The following FAIM2 variants were observed in gnomAD, a reference collection of about 807,000 sequenced individuals.
FAIM2 encodes the protein protein lifeguard 2.
A neutral mutation model predicts 47.4 loss-of-function variants in FAIM2; 27 were observed. The ratio of observed to expected loss-of-function variants is 0.57; its 90% CI spans 0.42 to 0.78. The LOEUF (loss-of-function observed/expected upper bound fraction) is 0.78. Among genes scored for constraint, FAIM2 ranks in the 30% least tolerant of loss-of-function variants. The pLI is 0.00. For missense variants in FAIM2, 311 were observed against 389.4 expected (o/e 0.80, Z 1.69); for synonymous variants, 156 against 159.3 (o/e 0.98, Z 0.16).
At position 49,901,179 on chromosome 12, in the gene FAIM2, T is replaced by TG; in HGVS notation, c.161dup (p.Ala55SerfsTer10). 1 of 1,607,434 alleles carries TG rather than the reference T, an allele frequency of 6.2e-7. No individual in the cohort carries two copies. The highest frequency in any genetic ancestry group is 1.1e-5 in the South Asian group (1 of 90,168). ...GGTGGAGAGGCACCGCTGTGGGGGC[T>TG]GGGGGGAAGGCCCCTGCCTTCATCC... On this transcript the variant is annotated frameshift_variant, in exon 2 of 12. Transcript: ENST00000320634. LOFTEE classifies it high-confidence loss of function.
At chr12:49,879,964 A>ATG (rs1555158361) in intron 11 of FAIM2, among the ~76,000 whole-genome samples, 1 of 44,692 alleles carries the variant, frequency 2.2e-5, no homozygotes, top group African/African-American at 1.4e-4. Flanking sequence ...TTGTATGTGC[A>ATG]TGTGTGTGTA....
chr12:49,896,908 G>A (rs765786208), intron 5 of FAIM2, 123 bp downstream of exon 5: 2 of 807,812 alleles, frequency 2.5e-6, no homozygotes, highest in Non-Finnish European at 4.4e-6. Flanking sequence ...GGATCTGTGA[G>A]GACAGTCCCT....
chr12:49,884,005 T>C (rs1946843710), intron 11 of FAIM2, among the ~76,000 whole-genome samples: 1 of 152,014 alleles, frequency 6.6e-6, no homozygotes, highest in African/African-American at 2.4e-5. Context: ...GCGGATCATC[T>C]GAGGTCAGGA....
rs185066966 is a variant in FAIM2 at position 49,871,634 on chromosome 12, G to A, written c.802-981C>T. 2.6e-5 allele frequency among the ~76,000 whole-genome samples: 4 copies of A among 151,828 alleles called. 1 individual carries two copies. The highest frequency in any genetic ancestry group is 1.3e-4 in the Admixed American group (2 of 15,224). ...CAAAGGTGATGAAGCACTGATCCAC[G>A]TGGGATTGGAATTTTTTTTCTTTTC... is the stretch of plus-strand genomic sequence containing the variant. On this transcript the variant is annotated intron_variant, in intron 11 of 11. Transcript: ENST00000320634.
chr12:49,880,190 A>ATG, intron 11 of FAIM2, among the ~76,000 whole-genome samples: 1 of 80,776 alleles, frequency 1.2e-5, no homozygotes, highest in East Asian at 3.9e-4. Flanking sequence ...GCATGTGTGT[A>ATG]TATGTGCATG....
chr12:49,877,783 CATGTGTATATATGTGTGT>C (rs1480295601), intron 11 of FAIM2, among the ~76,000 whole-genome samples: 20 of 151,506 alleles, frequency 1.3e-4, no homozygotes, highest in African/African-American at 4.9e-4. Flanking sequence ...TATGTGTGTG[CATGTGTATATATGTGTGT>C]GAGTGTGCGT....
At chr12:49,877,176 C>T (rs759741396) in intron 11 of FAIM2, among the ~76,000 whole-genome samples, 3 of 152,208 alleles carry the variant, frequency 2.0e-5, no homozygotes, top group African/African-American at 4.8e-5. Flanking sequence ...CAGTCCCCCA[C>T]CCCAGGGCTT....
intron 5 of FAIM2, 75 bp downstream of exon 5, chr12:49,896,956 A>T: frequency 8.0e-7 from 1 of 1,256,842 alleles, no homozygotes; most frequent in Non-Finnish European, 1.2e-6. Flanking sequence ...GATTAGGTCA[A>T]GAAAGACACA....
In FAIM2 at chr12:49,887,443, C is replaced by A. The variant is rs771342070; in HGVS notation, c.748-4G>T. 30 of 1,610,018 alleles carry A rather than the reference C, an allele frequency of 1.9e-5. No homozygotes were observed. The highest frequency in any genetic ancestry group is 2.5e-5 in the Non-Finnish European group (30 of 1,178,004). Reference sequence around the variant, plus strand: ...AAACTGCATGGAGCCAGGGCACCTGCGGCAGAGGAAAAATGGGCTTAGGGA... The same window carrying A: ...AAACTGCATGGAGCCAGGGCACCTGAGGCAGAGGAAAAATGGGCTTAGGGA... On this transcript the variant is annotated splice_region_variant and splice_polypyrimidine_tract_variant and intron_variant, in intron 10 of 11. Coordinates refer to ENST00000320634, the MANE Select transcript of FAIM2 (RefSeq NM_012306.4).
intron 2 of FAIM2, among the ~76,000 whole-genome samples, chr12:49,898,911 A>G (rs1276902434): frequency 2.0e-5 from 3 of 151,412 alleles, no homozygotes; most frequent in Admixed American, 2.0e-4. Context: ...CCAGCTGGAA[A>G]CCAGGGCTTC....
At chr12:49,891,473 C>A (rs1946899870) in intron 5 of FAIM2, among the ~76,000 whole-genome samples, 1 of 152,146 alleles carries the variant, frequency 6.6e-6, no homozygotes, top group African/African-American at 2.4e-5. Context: ...CGAGTATCAA[C>A]GAATGTAATC....
chr12:49,889,294 T>C (rs1204475900), intron 9 of FAIM2, 92 bp from the exon 10 acceptor site: 1 of 1,101,690 alleles, frequency 9.1e-7, no homozygotes, highest in Non-Finnish European at 1.4e-6. Context: ...GCCACAGTCT[T>C]GTGCTTACCC....
Position 49,901,159 on chromosome 12 carries a change from A to G in FAIM2, c.182T>C (p.Leu61Pro). ...AFPPAPTAVP[L>P]HPSWAYVDPS... Reference sequence around the variant, plus strand: ...GTCCACATAGGCCCAGCTAGGGTGGAGAGGCACCGCTGTGGGGGCTGGGGG... The same window carrying G: ...GTCCACATAGGCCCAGCTAGGGTGGGGAGGCACCGCTGTGGGGGCTGGGGG... Residue 61 changes from leucine (L) to proline (P), a missense_variant, in exon 2 of 12, where the codon CTC becomes CCC. By Grantham distance (98) the Leu-to-Pro change is moderately conservative (BLOSUM62 -3). Coordinates refer to ENST00000320634, the MANE Select transcript of FAIM2 (RefSeq NM_012306.4). The G allele has an allele frequency of 6.2e-7, 1 of 1,605,686 alleles. No homozygotes were observed. Among genetic ancestry groups the G allele is most frequent in the South Asian group, 1.1e-5 (1 of 89,848 alleles).
chr12:49,897,121 GT>G, intron 4 of FAIM2, 37 bp from the exon 5 acceptor site: 1 of 1,511,064 alleles, frequency 6.6e-7, no homozygotes, highest in Non-Finnish European at 9.2e-7. Context: ...GAGTCAGAAT[GT>G]ACCCTAGGTC....
intron 11 of FAIM2, among the ~76,000 whole-genome samples, chr12:49,881,351 A>G (rs1565615522): frequency 6.6e-6 from 1 of 152,180 alleles, no homozygotes; most frequent in Non-Finnish European, 1.5e-5. Context: ...GCAGGAAGTG[A>G]AGAGGTCTAT....
At chr12:49,879,857 C>A (rs1356462121) in intron 11 of FAIM2, among the ~76,000 whole-genome samples, 1 of 144,928 alleles carries the variant, frequency 6.9e-6, no homozygotes, top group Admixed American at 6.8e-5. Context: ...TATGTATGTT[C>A]ATGTGTATAT....
rs1946719977 is a variant in FAIM2, at chr12:49,874,048, G to T, written c.802-3395C>A. Among the ~76,000 whole-genome samples the T allele has an allele frequency of 6.6e-6, 1 of 152,184 alleles. No homozygotes were observed. The highest frequency in any genetic ancestry group is 2.4e-5 in the African/African-American group (1 of 41,444). ...GGAAAGCATTGTTAACTAATGTCTT[G>T]GTTGAGAGCAGGTATCTTGGTTATA... On this transcript the variant is annotated intron_variant, in intron 11 of 11. Coordinates refer to ENST00000320634, the MANE Select transcript of FAIM2 (RefSeq NM_012306.4). This position sits in a 1 kb window ranked among gnomAD's most constrained non-coding sequence, Gnocchi z 4.2.
chr12:49,893,915 T>C (rs113574291), intron 5 of FAIM2, among the ~76,000 whole-genome samples: 1 of 152,180 alleles, frequency 6.6e-6, no homozygotes, highest in Admixed American at 6.5e-5. Context: ...GTGGGTTCTA[T>C]CTCGCCAGCC....
At chr12:49,893,373 G>C (rs999027488) in intron 5 of FAIM2, among the ~76,000 whole-genome samples, 1 of 152,130 alleles carries the variant, frequency 6.6e-6, no homozygotes, top group Non-Finnish European at 1.5e-5. Flanking sequence ...CTGGGTTAGA[G>C]GGGGGCATCT....
Sources: gnomAD v4.1 joint callset for allele counts (sites outside exome capture counted in the v4.1 genomes callset) on GRCh38, gnomAD v4.1.1 for gene constraint, Gnocchi (gnomAD v3.1) non-coding constraint, MANE v1.5 for transcripts, NCBI Gene and HGNC (gene_info 2026-07-23, HGNC 2026-07-21) for gene names.